UGT2A1: variants seen among roughly 807,000 people sequenced by gnomAD.
UGT2A1 encodes the protein UDP-glucuronosyltransferase 2A1.
UGT2A1 carries 61 observed loss-of-function variants against 45.4 expected under a neutral mutation model. The ratio of observed to expected loss-of-function variants is 1.34; its 90% CI spans 1.09 to 1.66. The LOEUF (loss-of-function observed/expected upper bound fraction) is 1.66. Ranked by LOEUF, UGT2A1 falls within the 40% of genes most tolerant of loss-of-function variation. UGT2A1 has a pLI of 0.00. For synonymous variants in UGT2A1, 229 were observed against 196.2 expected (o/e 1.17, Z -1.40); for missense variants, 649 against 574.3 (o/e 1.13, Z -1.33).
chr4:69,647,146 A>G lies in UGT2A1; in HGVS notation c.499T>C (p.Phe167Leu), dbSNP rs573586459. 1.9e-6 allele frequency: 3 copies of G among 1,613,028 alleles called. No individual in the cohort carries two copies. Among genetic ancestry groups the G allele is most frequent in the African/African-American group, 2.7e-5 (2 of 74,988 alleles). The part of the protein sequence containing the change: ...DIVALKLGIP[F>L]MYSLRFSPAS... Reference sequence around the variant, plus strand: ...GGAGAAAACCTCAAGGAGTACATAAATGGAATTCCAAGTTTTAAAGCTACT... The same window carrying G: ...GGAGAAAACCTCAAGGAGTACATAAGTGGAATTCCAAGTTTTAAAGCTACT... Residue 167 changes from phenylalanine (F) to leucine (L), a missense_variant, in exon 2 of 7, where the codon TTT becomes CTT. Physicochemically the swap from Phe to Leu is conservative, Grantham distance 22 (BLOSUM62 0). Transcript: ENST00000286604.
chr4:69,625,163 T>A (rs919880062), intron 3 of UGT2A1, among the ~76,000 whole-genome samples: 2 of 128,740 alleles, frequency 1.6e-5, no homozygotes, highest in Non-Finnish European at 3.4e-5. Flanking sequence ...TCTGTTTTCA[T>A]TCTTTTTTTT....
chr4:69,612,881 G>T (rs1211405514), intron 3 of UGT2A1, among the ~76,000 whole-genome samples: 2 of 141,656 alleles, frequency 1.4e-5, no homozygotes, highest in East Asian at 4.2e-4. Flanking sequence ...GACATGTGGG[G>T]CATAATTAAA....
intron 3 of UGT2A1, among the ~76,000 whole-genome samples, chr4:69,615,884 A>G (rs910327426): frequency 6.6e-6 from 1 of 152,022 alleles, no homozygotes; most frequent in African/African-American, 2.4e-5. Context: ...AAACTACCAT[A>G]TGATCCGACA....
chr4:69,601,414 T>C (rs1254143524), intron 3 of UGT2A1, among the ~76,000 whole-genome samples: 29 of 152,050 alleles, frequency 1.9e-4, no homozygotes, highest in Admixed American at 1.9e-3. Context: ...CTGGGTAACA[T>C]AAGGCAAGCA....
chr4:69,646,487 T>C (rs1722264849), intron 2 of UGT2A1, among the ~76,000 whole-genome samples: 1 of 151,852 alleles, frequency 6.6e-6, no homozygotes, highest in Non-Finnish European at 1.5e-5. Context: ...AGCCTTAATA[T>C]TTATTAAGTG....
rs545380427 is a variant in UGT2A1 at position 69,603,958 on chromosome 4, G to A, written c.848-4564C>T. 9.1e-3 allele frequency among the ~76,000 whole-genome samples: 1,244 copies of A among 136,906 alleles called. 197 individuals are homozygous for A. The highest frequency in any genetic ancestry group is 0.015 in the Non-Finnish European group (973 of 64,252). The allele number at this position is 136,906 out of a possible 152,430, so 89.8% of individuals were successfully genotyped here. On this transcript the variant is annotated intron_variant, in intron 3 of 6. Coordinates refer to ENST00000286604, the MANE Select transcript of UGT2A1 (RefSeq NM_001252275.3). ...ACGTCTGATTGGTGTACCTGAAAGTGATGGGGAGAATGGAACCAAGTTGGA... is the reference window on the plus strand; with the variant it reads ...ACGTCTGATTGGTGTACCTGAAAGTAATGGGGAGAATGGAACCAAGTTGGA...
chr4:69,615,150 G>A (rs373617633), intron 3 of UGT2A1, among the ~76,000 whole-genome samples: 9 of 151,958 alleles, frequency 5.9e-5, no homozygotes, highest in African/African-American at 2.2e-4. Context: ...GGACACAGGA[G>A]ACAAACCATA....
chr4:69,644,958 A>G (rs1722189579), intron 2 of UGT2A1, among the ~76,000 whole-genome samples: 1 of 151,860 alleles, frequency 6.6e-6, no homozygotes, highest in South Asian at 2.1e-4. Context: ...GTCAGTAGGT[A>G]TCACTACACA....
intron 3 of UGT2A1, among the ~76,000 whole-genome samples, chr4:69,617,054 G>A (rs1377278873): frequency 6.6e-6 from 1 of 151,670 alleles, no homozygotes; most frequent in Non-Finnish European, 1.5e-5. Context: ...CCAATTGCCA[G>A]GAAATTCTCA....
intron 3 of UGT2A1, among the ~76,000 whole-genome samples, chr4:69,627,428 TAAG>T (rs995862185): frequency 1.7e-4 from 26 of 149,738 alleles, no homozygotes; most frequent in Admixed American, 1.7e-3. Context: ...AAATTCCAAA[TAAG>T]AAATATTTTT....
At chr4:69,592,022 A>G (rs1389909339) in intron 6 of UGT2A1, among the ~76,000 whole-genome samples, 1 of 152,184 alleles carries the variant, frequency 6.6e-6, no homozygotes, top group East Asian at 1.9e-4. Context: ...GCAAAAGTGG[A>G]CAACCAGGGC....
At chr4:69,608,173 A>G (rs1310495942) in intron 3 of UGT2A1, among the ~76,000 whole-genome samples, 2 of 152,168 alleles carry the variant, frequency 1.3e-5, no homozygotes, top group Non-Finnish European at 2.9e-5. Context: ...ACCAACCCAA[A>G]TGTCCAACAA....
chr4:69,638,261 G>A (rs1050071659), intron 2 of UGT2A1, among the ~76,000 whole-genome samples: 24 of 152,076 alleles, frequency 1.6e-4, no homozygotes, highest in Non-Finnish European at 2.8e-4. Flanking sequence ...TAAAAGCCAG[G>A]AAAAATAAGT....
intron 3 of UGT2A1, among the ~76,000 whole-genome samples, chr4:69,624,346 C>T (rs1360279921): frequency 1.3e-5 from 2 of 151,264 alleles, no homozygotes; most frequent in Non-Finnish European, 1.5e-5. Flanking sequence ...TTATTTTTCA[C>T]CTTTTTCTTT....
intron 3 of UGT2A1, among the ~76,000 whole-genome samples, chr4:69,616,357 T>C (rs973473078): frequency 6.6e-6 from 1 of 151,972 alleles, no homozygotes; most frequent in African/African-American, 2.4e-5. Flanking sequence ...ATTTGTGTGT[T>C]TTAAAATGAC....
In UGT2A1 at chr4:69,595,165, G is replaced by A. The variant is rs778154247; in HGVS notation, c.1081C>T (p.Leu361Phe). The A allele has an allele frequency of 2.4e-5, 39 of 1,613,646 alleles. No individual in the cohort carries two copies. The highest frequency in any genetic ancestry group is 8.3e-5 in the Admixed American group (5 of 59,982). ...LFDWIPQNDL[L>F]GHPKTKAFIT... ...TTTTCTTTCCCCACAGTCTTACCAA[G>A]AAGATCATTCTGGGGTATCCAATCA... The change falls in exon 5 of 7, where the codon CTT becomes TTT. Residue 361 changes from leucine to phenylalanine, a missense_variant. By Grantham distance (22) the Leu-to-Phe change is conservative. Transcript: ENST00000286604.
chr4:69,604,661 G>A (rs879305242), intron 3 of UGT2A1, among the ~76,000 whole-genome samples: 1 of 136,694 alleles, frequency 7.3e-6, no homozygotes, highest in Admixed American at 7.2e-5. Flanking sequence ...TCAGTGTGCT[G>A]TATTCAGGAA....
At chr4:69,606,123 AAG>A (rs1450675305) in intron 3 of UGT2A1, among the ~76,000 whole-genome samples, 2 of 135,914 alleles carry the variant, frequency 1.5e-5, no homozygotes, top group East Asian at 4.1e-4. Flanking sequence ...ACAACAAAAA[AAG>A]AGAATTTTAG....
In UGT2A1 at chr4:69,603,334, G is replaced by A. The variant is rs1263368444; in HGVS notation, c.848-3940C>T. Among the ~76,000 whole-genome samples the A allele has an allele frequency of 6.6e-5, 9 of 136,706 alleles. 1 individual carries two copies. In the South Asian group the frequency reaches 1.2e-3, roughly 18 times the overall value. The allele number at this position is 136,706 out of a possible 152,430, so 89.7% of individuals were successfully genotyped here. ...AAACCACTTATGTAATGAAATTCAT[G>A]AATGACAAAGATGCAGGCATGCAGG... On this transcript the variant is annotated intron_variant, in intron 3 of 6. Coordinates refer to ENST00000286604, the MANE Select transcript of UGT2A1 (RefSeq NM_001252275.3).
Sources: gnomAD v4.1 joint callset for allele counts (sites outside exome capture counted in the v4.1 genomes callset) on GRCh38, gnomAD v4.1.1 for gene constraint, MANE v1.5 for transcripts, NCBI Gene and HGNC (gene_info 2026-07-23, HGNC 2026-07-21) for gene names.